WDR41: variants seen among roughly 807,000 people sequenced by gnomAD.
WDR41 encodes the protein WD repeat-containing protein 41.
A neutral mutation model predicts 69.3 loss-of-function variants in WDR41; 63 were observed. The ratio of observed to expected loss-of-function variants is 0.91; its 90% CI spans 0.74 to 1.12. The LOEUF is 1.12. Ranked by LOEUF, WDR41 falls within the 50% of genes most tolerant of loss-of-function variation. The probability of loss-of-function intolerance (pLI) is 0.00; values close to 1 mark genes in which losing one functional copy is unlikely to be tolerated. For synonymous variants in WDR41, 185 were observed against 192.1 expected, an observed-to-expected ratio of 0.96 and a Z score of 0.31; for missense variants, 543 against 534.5, an observed-to-expected ratio of 1.02 and a Z score of -0.16.
chr5:77,548,273 T>C (rs1743233344), intron 1 of WDR41, among the ~76,000 whole-genome samples: 1 of 152,116 alleles, frequency 6.6e-6, no homozygotes, highest in South Asian at 2.1e-4. Context: ...AAAACAAAGA[T>C]AAATAGCTGG....
chr5:77,558,821 G>A (rs1367510909), intron 1 of WDR41, among the ~76,000 whole-genome samples: 2 of 152,050 alleles, frequency 1.3e-5, no homozygotes, highest in African/African-American at 4.8e-5. Context: ...GACATGAATT[G>A]TTTAGAAAAT....
At chr5:77,603,458 T>C (rs1239285831) in intron 1 of WDR41, among the ~76,000 whole-genome samples, 2 of 152,252 alleles carry the variant, frequency 1.3e-5, no homozygotes, top group East Asian at 1.9e-4. Flanking sequence ...GAGTTTCTTG[T>C]ATGTGTTGGA....
chr5:77,526,732 T>A (rs1019235987), intron 1 of WDR41, among the ~76,000 whole-genome samples: 5 of 152,178 alleles, frequency 3.3e-5, no homozygotes, highest in African/African-American at 1.2e-4. Context: ...TAAAATTCCA[T>A]TAAAAAGGCC....
intron 12 of WDR41, among the ~76,000 whole-genome samples, chr5:77,434,721 A>G (rs1037604558): frequency 6.6e-6 from 1 of 152,070 alleles, no homozygotes; most frequent in Non-Finnish European, 1.5e-5. Flanking sequence ...AAATGAGGAA[A>G]TTCAGGTGAC....
chr5:77,482,776 C>G (rs372992142), intron 2 of WDR41, among the ~76,000 whole-genome samples: 1 of 151,516 alleles, frequency 6.6e-6, no homozygotes, highest in African/African-American at 2.4e-5. Context: ...AACTATGCCA[C>G]TCTGACATAA....
At chr5:77,579,913 A>G (rs2112288497) in intron 1 of WDR41, among the ~76,000 whole-genome samples, 1 of 152,322 alleles carries the variant, frequency 6.6e-6, no homozygotes, top group Middle Eastern at 3.4e-3. Flanking sequence ...AGCAAAAAAA[A>G]TGTGAGTAGA....
Position 77,431,335 on chromosome 5 carries a change from G to T in WDR41, c.*1800C>A. 6.6e-6 allele frequency: 1 copy of T among 152,448 alleles called. No individual in the cohort carries two copies. Among genetic ancestry groups the T allele is most frequent in the South Asian group, 2.0e-4 (1 of 4,974 alleles). The allele number at this position is 152,448 out of a possible 1,614,324, so 9.4% of individuals were successfully genotyped here. A position where few individuals can be genotyped will look rare whatever the true frequency, so the allele number is the denominator to read the frequency against. ...GACCCTCCACCAGCAAAAAGATTAT[G>T]ACTCGCTGAAGGCTCAGATGATTGT... On this transcript the variant is annotated 3_prime_UTR_variant, in exon 13 of 13. Transcript: ENST00000296679.
At chr5:77,502,118 C>G (rs1802025153) in intron 1 of WDR41, among the ~76,000 whole-genome samples, 1 of 151,968 alleles carries the variant, frequency 6.6e-6, no homozygotes, top group Non-Finnish European at 1.5e-5. Context: ...AGCTAAAAAC[C>G]TTGAAGAAAG....
In WDR41 at chr5:77,436,294, A is replaced by G; in HGVS notation, c.1194T>C (p.Ile398=). The change falls in exon 12 of 13, where the codon ATT becomes ATC. Residue 398 remains isoleucine (I), a synonymous_variant. Coordinates refer to ENST00000296679, the MANE Select transcript of WDR41 (RefSeq NM_018268.4). Reference sequence around the variant, plus strand: ...ATGATGAGTGTCCAATCAAATCTCCAATAAGCTCCAGTGAACATGAAGTAG... The same window carrying G: ...ATGATGAGTGTCCAATCAAATCTCCGATAAGCTCCAGTGAACATGAAGTAG... The part of the protein sequence containing the change: ...ENATSCSLEL[I]GDLIGHSSSV... 1 of 1,614,128 alleles carries G rather than the reference A, an allele frequency of 6.2e-7. No homozygotes were observed. Among genetic ancestry groups the G allele is most frequent in the Non-Finnish European group, 8.5e-7 (1 of 1,179,974 alleles).
At chr5:77,498,885 T>A (rs1269024897) in intron 1 of WDR41, among the ~76,000 whole-genome samples, 2 of 151,336 alleles carry the variant, frequency 1.3e-5, no homozygotes, top group Non-Finnish European at 2.9e-5. Context: ...AGATTTTATC[T>A]CAAAAGTACA....
intron 1 of WDR41, among the ~76,000 whole-genome samples, chr5:77,527,155 G>A (rs143748064): frequency 9.6e-4 from 146 of 151,886 alleles, no homozygotes; most frequent in African/African-American, 3.1e-3. Context: ...CAGTAATTGC[G>A]ATAAATAAAT....
intron 1 of WDR41, among the ~76,000 whole-genome samples, chr5:77,608,216 C>G (rs1744464092): frequency 6.6e-6 from 1 of 152,216 alleles, no homozygotes; most frequent in Non-Finnish European, 1.5e-5. Context: ...AGAATGTCCT[C>G]AAGGTTCATC....
At chr5:77,586,598 C>T (rs1221189339) in intron 1 of WDR41, among the ~76,000 whole-genome samples, 1 of 151,802 alleles carries the variant, frequency 6.6e-6, no homozygotes, top group Non-Finnish European at 1.5e-5. Flanking sequence ...TGAGCTACCA[C>T]ACCTGGCCTC....
At chr5:77,493,608 C>G (rs1011825113), upstream of WDR41, among the ~76,000 whole-genome samples, 2 of 152,188 alleles carry the variant, frequency 1.3e-5, no homozygotes, top group African/African-American at 4.8e-5. Flanking sequence ...GGATCAGGAG[C>G]ATGTTGCCTT....
intron 8 of WDR41, among the ~76,000 whole-genome samples, chr5:77,442,894 C>CAAAAAAAAAAAAAAAAAAAAAAAAAAA (rs60442242): frequency 1.8e-5 from 1 of 56,258 alleles, no homozygotes; most frequent in African/African-American, 1.0e-4. Flanking sequence ...TCTGTCTCCC[C>CAAAAAAAAAAAAAAAAAAAAAAAAAAA]AAAAAAAAAA....
chr5:77,486,260 C>A (rs923132386), intron 2 of WDR41, among the ~76,000 whole-genome samples: 2 of 151,942 alleles, frequency 1.3e-5, no homozygotes, highest in Admixed American at 6.6e-5. Flanking sequence ...AGCAAATGAC[C>A]GAAAAACTTC....
intron 1 of WDR41, among the ~76,000 whole-genome samples, chr5:77,586,988 G>T (rs1287911659): frequency 6.6e-6 from 1 of 152,000 alleles, no homozygotes; most frequent in Non-Finnish European, 1.5e-5. Flanking sequence ...AAAGTGCTGG[G>T]ATTACAGGCG....
chr5:77,559,689 A>ATG (rs926171445), intron 1 of WDR41, among the ~76,000 whole-genome samples: 30 of 150,990 alleles, frequency 2.0e-4, no homozygotes, highest in African/African-American at 4.6e-4. Flanking sequence ...ATATAATGTT[A>ATG]TGTGTGTGTG....
chr5:77,442,658 C>T (rs929824542), intron 8 of WDR41, among the ~76,000 whole-genome samples: 4 of 151,788 alleles, frequency 2.6e-5, no homozygotes, highest in South Asian at 2.1e-4. Flanking sequence ...TTTGGGAGGC[C>T]GAGGCAGGTG....
Sources: allele counts gnomAD v4.1 joint callset (sites outside exome capture counted in the v4.1 genomes callset), GRCh38; gene constraint gnomAD v4.1.1; transcripts MANE v1.5; gene names NCBI Gene and HGNC (gene_info 2026-07-23, HGNC 2026-07-21).